BCL9: variants seen among roughly 807,000 people sequenced by gnomAD.
BCL9 encodes the protein BCL9 transcription coactivator.
A neutral mutation model predicts 88.5 loss-of-function variants in BCL9; 25 were observed. That is an observed-to-expected ratio of 0.28 (90% confidence interval 0.21 to 0.39). The LOEUF (loss-of-function observed/expected upper bound fraction) is 0.39. Among genes scored for constraint, BCL9 ranks in the 10% least tolerant of loss-of-function variants. The probability of loss-of-function intolerance (pLI) is 1.00; values close to 1 mark genes in which losing one functional copy is unlikely to be tolerated. For missense variants in BCL9, 1,817 were observed against 1,877.8 expected (o/e 0.97, Z 0.60); for synonymous variants, 711 against 673.3 (o/e 1.06, Z -0.87).
intron 1 of BCL9, among the ~76,000 whole-genome samples, chr1:147,569,938 A>G (rs1181702089): frequency 6.6e-6 from 1 of 152,194 alleles, no homozygotes; most frequent in Non-Finnish European, 1.5e-5. Flanking sequence ...GAAGGGAAAA[A>G]AAAGGAGTTA....
intron 1 of BCL9, among the ~76,000 whole-genome samples, chr1:147,546,066 G>T (rs112622995): frequency 5.3e-5 from 8 of 152,308 alleles, no homozygotes; most frequent in African/African-American, 1.9e-4. Flanking sequence ...GCCAGGCACG[G>T]TGGCTTAATC....
At position 147,618,832 on chromosome 1, in the gene BCL9, C is replaced by T. The variant is rs781912897; in HGVS notation, c.677C>T (p.Ala226Val). 6.4e-7 allele frequency: 1 copy of T among 1,556,252 alleles called. No homozygotes were observed. Among genetic ancestry groups the T allele is most frequent in the East Asian group, 2.3e-5 (1 of 44,430 alleles). Residue 226 changes from alanine to valine, a missense_variant, in exon 8 of 10, where the codon GCC becomes GTC. Transcript: ENST00000234739. ...STAPLNTQIS[A>V]LRNDPKPLPQ... Reference sequence around the variant, plus strand: ...TGTCTTCAGAACACACAGATATCTGCCCTTCGGAATGATCCGAAACCTCTC... The same window carrying T: ...TGTCTTCAGAACACACAGATATCTGTCCTTCGGAATGATCCGAAACCTCTC...
At chr1:147,601,843 A>G (rs782061729) in intron 1 of BCL9, among the ~76,000 whole-genome samples, 3 of 152,230 alleles carry the variant, frequency 2.0e-5, no homozygotes, top group Non-Finnish European at 2.9e-5. Context: ...AGGTTCCATT[A>G]GTTGTTTGAG....
Position 147,623,875 on chromosome 1 carries a change from C to T in BCL9, c.3197C>T (p.Ser1066Leu). Residue 1066 changes from serine (S) to leucine (L), a missense_variant, in exon 10 of 10, where the codon TCA (serine) becomes TTA (leucine). By Grantham distance (145) the Ser-to-Leu change is moderately radical (BLOSUM62 -2). This residue lies in a region of BCL9 where 589 missense variants were observed against 686.2 expected (regional missense o/e 0.86). Coordinates refer to ENST00000234739, the MANE Select transcript of BCL9 (RefSeq NM_004326.4). ...MGINTQNPRISGPNPVVPMPT... is the reference protein window; with the variant it reads ...MGINTQNPRILGPNPVVPMPT... ...ATTAATACACAGAATCCTCGAATTT[C>T]AGGTCCAAACCCCGTGGTTCCGATG... 1 of 1,613,886 alleles carries T rather than the reference C, an allele frequency of 6.2e-7. No individual in the cohort carries two copies. The highest frequency in any genetic ancestry group is 8.5e-7 in the Non-Finnish European group (1 of 1,179,792).
At chr1:147,588,560 C>T (rs899664781) in intron 1 of BCL9, among the ~76,000 whole-genome samples, 1 of 152,086 alleles carries the variant, frequency 6.6e-6, no homozygotes, top group Non-Finnish European at 1.5e-5. Context: ...GTTTCCTAGC[C>T]TGGGAGCACC....
chr1:147,624,229 C>T lies in BCL9; in HGVS notation c.3551C>T (p.Pro1184Leu), dbSNP rs782136158. 2.2e-5 allele frequency: 36 copies of T among 1,612,854 alleles called. No individual in the cohort carries two copies. Among genetic ancestry groups the T allele is most frequent in the Admixed American group, 6.7e-5 (4 of 59,988 alleles). ...EGPLGRPSNL[P>L]QSSADAALCK... ...CCCCTTGGCCGCCCCAGCAACCTGC[C>T]CCAAAGTTCAGCAGATGCAGCACTT... The change falls in exon 10 of 10, where the codon CCC becomes CTC. Residue 1184 changes from proline (P) to leucine (L), a missense_variant. Coordinates refer to ENST00000234739, the MANE Select transcript of BCL9 (RefSeq NM_004326.4). This position sits in a 1 kb window ranked among gnomAD's most constrained non-coding sequence, Gnocchi z 4.4.
chr1:147,545,554 T>C lies in BCL9; in HGVS notation c.-478+3880T>C, dbSNP rs1045922446. On this transcript the variant is annotated intron_variant, in intron 1 of 9. Transcript: ENST00000234739. ...GGGGGAAGAAAACTGAAGACTGTTATGACATTTTAAAGGTGCAATGTGTAG... is the reference window on the plus strand; with the variant it reads ...GGGGGAAGAAAACTGAAGACTGTTACGACATTTTAAAGGTGCAATGTGTAG... Among the ~76,000 whole-genome samples, 3 of 152,220 alleles carry C rather than the reference T, an allele frequency of 2.0e-5. No individual in the cohort carries two copies. The East Asian group carries it at 5.8e-4, about 29-fold the overall frequency.
chr1:147,624,436 C>G lies in BCL9; in HGVS notation c.3758C>G (p.Pro1253Arg). The G allele has an allele frequency of 6.2e-7, 1 of 1,614,200 alleles. No individual in the cohort carries two copies. Among genetic ancestry groups the G allele is most frequent in the South Asian group, 1.1e-5 (1 of 91,088 alleles). ...CCCAGCCAGACGCTGCAATATTTCC[C>G]TCGAGGGGAAGTTCCAGGCCGTAAA... is the stretch of plus-strand genomic sequence containing the variant. ...EKPSQTLQYF[P>R]RGEVPGRKQP... is the part of the protein sequence containing the mutation. The change falls in exon 10 of 10, where the codon CCT (proline) becomes CGT (arginine). Residue 1253 changes from proline (P) to arginine (R), a missense_variant. Around this residue, in one of 2 missense-constraint regions of BCL9, gnomAD observed 589 missense variants for 686.2 expected, o/e 0.86. Coordinates refer to ENST00000234739, the MANE Select transcript of BCL9 (RefSeq NM_004326.4). This position sits in a 1 kb window ranked among gnomAD's most constrained non-coding sequence, Gnocchi z 4.4.
chr1:147,565,584 G>T (rs1553196579), intron 1 of BCL9, among the ~76,000 whole-genome samples: 2 of 152,148 alleles, frequency 1.3e-5, no homozygotes, highest in Admixed American at 6.5e-5. Flanking sequence ...GTCCTAGAAG[G>T]CTGGCTGCTT....
At chr1:147,600,256 C>T (rs1657311419) in intron 1 of BCL9, 1 of 159,834 alleles carries the variant, frequency 6.3e-6, no homozygotes, top group African/African-American at 2.4e-5. Context: ...GCCCCGGCCC[C>T]GCGGGGCTGA....
intron 1 of BCL9, among the ~76,000 whole-genome samples, chr1:147,568,549 AT>A (rs782552256): frequency 2.0e-5 from 3 of 150,680 alleles, no homozygotes; most frequent in Non-Finnish European, 4.4e-5. Context: ...ATATTTTGTG[AT>A]TTCTGTACAC....
At chr1:147,592,226 C>T (rs1178654515) in intron 1 of BCL9, among the ~76,000 whole-genome samples, 3 of 152,162 alleles carry the variant, frequency 2.0e-5, no homozygotes, top group Non-Finnish European at 4.4e-5. Flanking sequence ...AAGGTCAGCA[C>T]TGTTTAAGTT....
intron 1 of BCL9, among the ~76,000 whole-genome samples, chr1:147,567,021 A>C (rs183109249): frequency 6.6e-6 from 1 of 152,336 alleles, no homozygotes; most frequent in Non-Finnish European, 1.5e-5. Context: ...GGGAAGCTTA[A>C]TAGGAGGACA....
intron 7 of BCL9, among the ~76,000 whole-genome samples, chr1:147,616,366 T>G (rs1316467476): frequency 6.6e-6 from 1 of 152,226 alleles, no homozygotes; most frequent in Non-Finnish European, 1.5e-5. Flanking sequence ...TATTTCAAAG[T>G]GATAAGACCA....
Position 147,624,981 on chromosome 1 carries a change from G to C in BCL9, c.*22G>C, listed in dbSNP as rs368292027. ...TTAAGCTGCTAAGATGGGATGTGCC[G>C]ATCCTTGTCAAGATGAGATTCCAGG... On this transcript the variant is annotated 3_prime_UTR_variant, in exon 10 of 10. Transcript: ENST00000234739. The surrounding 1 kb of genome is among the most constrained non-coding windows in gnomAD (Gnocchi z 4.4). 1 of 1,587,758 alleles carries C rather than the reference G, an allele frequency of 6.3e-7. No homozygotes were observed. The highest frequency in any genetic ancestry group is 8.6e-7 in the Non-Finnish European group (1 of 1,161,294).
chr1:147,575,868 T>A (rs2101539149), intron 1 of BCL9, among the ~76,000 whole-genome samples: 1 of 126,680 alleles, frequency 7.9e-6, no homozygotes, highest in South Asian at 2.2e-4. Context: ...CATTTATACA[T>A]CACTGGATTC....
intron 1 of BCL9, among the ~76,000 whole-genome samples, chr1:147,557,274 G>GAA (rs781992686): frequency 6.6e-6 from 1 of 152,042 alleles, no homozygotes; most frequent in African/African-American, 2.4e-5. Context: ...CTTATGTGAG[G>GAA]AAAAAAATCC....
At position 147,561,259 on chromosome 1, in the gene BCL9, T is replaced by C. The variant is rs192486622; in HGVS notation, c.-478+19585T>C. 1.4e-3 allele frequency among the ~76,000 whole-genome samples: 206 copies of C among 152,340 alleles called. 1 individual carries two copies. The highest frequency in any genetic ancestry group is 4.6e-3 in the African/African-American group (192 of 41,580). On this transcript the variant is annotated intron_variant, in intron 1 of 9. Transcript: ENST00000234739. ...TGCTAAGGGAGATGGTTTTACATTA[T>C]TTCCCATAAACCTACCACGGGGATT...
intron 3 of BCL9, among the ~76,000 whole-genome samples, chr1:147,610,723 C>G (rs1657954630): frequency 6.6e-6 from 1 of 152,202 alleles, no homozygotes; most frequent in Admixed American, 6.5e-5. Context: ...TAAAGTATGT[C>G]TTGGTTTTAC....
Sources: allele counts gnomAD v4.1 joint callset (sites outside exome capture counted in the v4.1 genomes callset), GRCh38; gene constraint gnomAD v4.1.1; regional missense constraint gnomAD v4.1.1; non-coding constraint Gnocchi (gnomAD v3.1); transcripts MANE v1.5; gene names NCBI Gene and HGNC (gene_info 2026-07-23, HGNC 2026-07-21).